The following COL5A2 variants were observed in gnomAD, a reference collection of about 807,000 sequenced individuals.
The protein encoded by COL5A2 is collagen type V alpha 2 chain.
COL5A2 carries 23 observed loss-of-function variants against 208.2 expected under a neutral mutation model. That is an observed-to-expected ratio of 0.11 (90% confidence interval 0.08 to 0.16). The LOEUF is 0.16. Ranked by LOEUF, COL5A2 falls within the 10% of genes least tolerant of loss-of-function variation. The pLI is 1.00. For missense variants in COL5A2, 1,590 were observed against 1,956.4 expected, an observed-to-expected ratio of 0.81 and a Z score of 3.53; for synonymous variants, 625 against 628.5, an observed-to-expected ratio of 0.99 and a Z score of 0.08.
At position 189,036,661 on chromosome 2, in the gene COL5A2, G is replaced by A. The variant is rs771590535; in HGVS notation, c.4068C>T (p.Asp1356=). Residue 1356 remains aspartate (D), a synonymous_variant, in exon 52 of 54, where the codon GAC becomes GAT. Coordinates refer to ENST00000374866, the MANE Select transcript of COL5A2 (RefSeq NM_000393.5). ...RKTWWASKSP[D]NKPVWYGLDM... ...CAAGACCATACCAAACAGGTTTATT[G>A]TCAGGAGATTTACTGGCCCACCAGG... 6.2e-7 allele frequency: 1 copy of A among 1,613,758 alleles called. No individual in the cohort carries two copies. Among genetic ancestry groups the A allele is most frequent in the Admixed American group, 1.7e-5 (1 of 60,010 alleles).
At chr2:189,045,113 A>T in intron 47 of COL5A2, 66 bp downstream of exon 47, 2 of 1,075,044 alleles carry the variant, frequency 1.9e-6, no homozygotes, top group South Asian at 1.6e-5. Flanking sequence ...ATCTTAAATT[A>T]TACTTCTTTG....
chr2:189,254,748 T>A, the COL5A2 span, among the ~76,000 whole-genome samples: 1 of 152,234 alleles, frequency 6.6e-6, no homozygotes, highest in East Asian at 1.9e-4. Flanking sequence ...AGGATTCCAC[T>A]GCATCTGAAG....
the COL5A2 span, among the ~76,000 whole-genome samples, chr2:189,262,467 G>C: frequency 1.3e-5 from 2 of 152,044 alleles, no homozygotes; most frequent in African/African-American, 4.8e-5. Flanking sequence ...ATTGCCTGCT[G>C]TATTTGTGGG....
At chr2:189,215,703 C>T (rs899984812) in intron 1 of COL5A2, among the ~76,000 whole-genome samples, 2 of 151,972 alleles carry the variant, frequency 1.3e-5, no homozygotes, top group Admixed American at 6.6e-5. Flanking sequence ...CTATTTAAAA[C>T]ATTTTTGAAA....
the COL5A2 span, among the ~76,000 whole-genome samples, chr2:189,267,023 A>G: frequency 1.3e-5 from 2 of 151,876 alleles, no homozygotes; most frequent in African/African-American, 4.8e-5. Context: ...ATGAATTGAT[A>G]AAAAGCATTG....
intron 51 of COL5A2, among the ~76,000 whole-genome samples, chr2:189,038,198 T>TGTA (rs1237258890): frequency 1.4e-4 from 22 of 152,270 alleles, no homozygotes; most frequent in African/African-American, 5.3e-4. Flanking sequence ...CCCTCCCCCC[T>TGTA]GTAGTAGCCT....
the COL5A2 span, among the ~76,000 whole-genome samples, chr2:189,235,260 T>C: frequency 4.0e-5 from 6 of 151,820 alleles, no homozygotes; most frequent in Non-Finnish European, 8.8e-5. Flanking sequence ...ATTGTTTTAA[T>C]GGCATAGAGG....
chr2:189,406,157 G>T, the COL5A2 span, among the ~76,000 whole-genome samples: 1 of 152,080 alleles, frequency 6.6e-6, no homozygotes, highest in Non-Finnish European at 1.5e-5. Flanking sequence ...AATAAAATAA[G>T]TTCCAAGTAA....
In COL5A2 at chr2:189,043,196, C is replaced by G. The variant is rs1419571223; in HGVS notation, c.3426G>C (p.Lys1142Asn). 1 of 1,613,872 alleles carries G rather than the reference C, an allele frequency of 6.2e-7. No homozygotes were observed. The highest frequency in any genetic ancestry group is 8.5e-7 in the Non-Finnish European group (1 of 1,179,918). The change falls in exon 48 of 54, where the codon AAG becomes AAC. Residue 1142 changes from lysine (K) to asparagine (N), a missense_variant. Coordinates refer to ENST00000374866, the MANE Select transcript of COL5A2 (RefSeq NM_000393.5). ...GAAGACCAGTAAAGCCTCTGTGGCC[C>G]TTCTGACCTCTGTCACCTCGGTCTC... The part of the protein sequence containing the change: ...DHGDRGDRGQ[K>N]GHRGFTGLQG...
the COL5A2 span, chr2:189,311,707 G>T: frequency 4.0e-6 from 3 of 754,000 alleles, no homozygotes; most frequent in South Asian, 4.3e-5. Context: ...ACTGCATGGT[G>T]ACCACTGTGG....
At chr2:189,098,871 T>C (rs1686976155) in intron 4 of COL5A2, 112 bp from the exon 5 acceptor site, 2 of 747,864 alleles carry the variant, frequency 2.7e-6, no homozygotes, top group African/African-American at 3.5e-5. Context: ...TTTTAACAAA[T>C]GGATGTTGTC....
chr2:189,146,665 G>T (rs779576453), intron 1 of COL5A2, among the ~76,000 whole-genome samples: 1 of 152,082 alleles, frequency 6.6e-6, no homozygotes, highest in Admixed American at 6.6e-5. Context: ...GAAGTAAAAA[G>T]AAATAGTTTA....
intron 3 of COL5A2, among the ~76,000 whole-genome samples, chr2:189,101,904 T>C (rs1258771620): frequency 1.3e-5 from 2 of 152,002 alleles, no homozygotes; most frequent in Non-Finnish European, 2.9e-5. Context: ...AATCAACATA[T>C]ATGGGCTTCA....
intron 1 of COL5A2, among the ~76,000 whole-genome samples, chr2:189,164,827 G>T (rs546762733): frequency 1.8e-4 from 28 of 152,264 alleles, no homozygotes; most frequent in African/African-American, 6.5e-4. Context: ...TGTTTATAAA[G>T]AATTTATAAG....
the COL5A2 span, among the ~76,000 whole-genome samples, chr2:189,298,469 G>T: frequency 6.6e-6 from 1 of 152,122 alleles, no homozygotes; most frequent in African/African-American, 2.4e-5. Flanking sequence ...GGGTCCCCCT[G>T]ACCAGCAAGA....
the COL5A2 span, among the ~76,000 whole-genome samples, chr2:189,430,201 C>T: frequency 1.3e-5 from 2 of 152,192 alleles, no homozygotes. Flanking sequence ...TCACAACTTG[C>T]ACAGGACTCT....
chr2:189,169,581 A>G (rs1688533083), intron 1 of COL5A2, among the ~76,000 whole-genome samples: 1 of 152,164 alleles, frequency 6.6e-6, no homozygotes, highest in Non-Finnish European at 1.5e-5. Flanking sequence ...AAAATATAAA[A>G]ATTGCATTTT....
chr2:189,260,427 C>T, the COL5A2 span, among the ~76,000 whole-genome samples: 4 of 152,300 alleles, frequency 2.6e-5, no homozygotes, highest in Non-Finnish European at 4.4e-5. Context: ...AAGTCAGTCT[C>T]ATGGGGAGCA....
At chr2:189,229,954 T>A (rs1214386951), upstream of COL5A2, among the ~76,000 whole-genome samples, 3 of 151,652 alleles carry the variant, frequency 2.0e-5, no homozygotes, top group Non-Finnish European at 4.4e-5. Context: ...GCTACAATAA[T>A]CAATAGAGTA....
Sources: gnomAD v4.1 joint callset for allele counts (sites outside exome capture counted in the v4.1 genomes callset) on GRCh38, gnomAD v4.1.1 for gene constraint, MANE v1.5 for transcripts, NCBI Gene and HGNC (gene_info 2026-07-23, HGNC 2026-07-21) for gene names.